The following NISCH variants were observed in gnomAD, a reference collection of about 807,000 sequenced individuals.
NISCH encodes the protein I-1 receptor candidate protein.
In NISCH, 55 loss-of-function variants were observed where a neutral mutation model predicts 138.4. The observed-to-expected ratio is 0.40, with a 90% CI of 0.32 to 0.50. NISCH has a LOEUF of 0.50. NISCH is among the 20% of genes least tolerant of loss of function. The probability of loss-of-function intolerance (pLI) is 0.71; values close to 1 mark genes in which losing one functional copy is unlikely to be tolerated. For synonymous variants in NISCH, 860 were observed against 861.5 expected (o/e 1.00, Z 0.03); for missense variants, 1,643 against 2,005.5 (o/e 0.82, Z 3.45).
chr3:52,457,724 C>G, intron 1 of NISCH, 119 bp from the exon 2 acceptor site: 4 of 822,576 alleles, frequency 4.9e-6, no homozygotes, highest in Non-Finnish European at 8.3e-6. Flanking sequence ...GTCTGAGTTG[C>G]AGAGAGAAAG....
At chr3:52,465,385 C>T (rs1706753319) in intron 3 of NISCH, among the ~76,000 whole-genome samples, 1 of 152,322 alleles carries the variant, frequency 6.6e-6, no homozygotes, top group South Asian at 2.1e-4. Flanking sequence ...CCACCTCGGC[C>T]TCCCAAAGCG....
chr3:52,492,651 G>A lies in NISCH; in HGVS notation c.*169G>A. On this transcript the variant is annotated 3_prime_UTR_variant, in exon 21 of 21. Coordinates refer to ENST00000345716, the MANE Select transcript of NISCH (RefSeq NM_007184.4). ...GTTGTGTTAATTCTTTCTCATGTTG[G>A]GAGTGAGAATGCCGGGCCCCTCAGG... The A allele has an allele frequency of 1.0e-6, 1 of 999,422 alleles. No homozygotes were observed. The highest frequency in any genetic ancestry group is 1.4e-6 in the Non-Finnish European group (1 of 705,690). The allele number at this position is 999,422 out of a possible 1,614,324, so 61.9% of individuals were successfully genotyped here.
In NISCH at chr3:52,491,955, T is replaced by C. The variant is rs764858294; in HGVS notation, c.3988T>C (p.Phe1330Leu). Residue 1330 changes from phenylalanine (F) to leucine (L), a missense_variant, in exon 21 of 21, where the codon TTC (phenylalanine) becomes CTC (leucine). Transcript: ENST00000345716. ...TGAGGAGGAGATTGGGGACCTGACGTTCACTGTGGCCCAAAAGATGGCTGA... is the reference window on the plus strand; with the variant it reads ...TGAGGAGGAGATTGGGGACCTGACGCTCACTGTGGCCCAAAAGATGGCTGA... ...PSEEEIGDLT[F>L]TVAQKMAEPE... 1 of 1,613,594 alleles carries C rather than the reference T, an allele frequency of 6.2e-7. No individual in the cohort carries two copies. Among genetic ancestry groups the C allele is most frequent in the Non-Finnish European group, 8.5e-7 (1 of 1,179,992 alleles).
At chr3:52,461,010 C>T (rs1004743637) in intron 3 of NISCH, among the ~76,000 whole-genome samples, 4 of 152,022 alleles carry the variant, frequency 2.6e-5, no homozygotes, top group Admixed American at 6.6e-5. Context: ...AAGGCCCAGA[C>T]AGGCAGATCA....
rs1707110535 is a variant in NISCH, at chr3:52,476,840, C to T, written c.918+241C>T. On this transcript the variant is annotated intron_variant, in intron 8 of 20. Transcript: ENST00000345716. ...CTTGAGGTCAGGAGTTCGAGACCAGCCTGACCAATGTGGTGAAACCCCATC... is the reference window on the plus strand; with the variant it reads ...CTTGAGGTCAGGAGTTCGAGACCAGTCTGACCAATGTGGTGAAACCCCATC... 2.0e-5 allele frequency among the ~76,000 whole-genome samples: 3 copies of T among 152,048 alleles called. No individual in the cohort carries two copies. In the South Asian group the frequency reaches 6.2e-4, roughly 32 times the overall value.
chr3:52,481,642 CAGTG>C (rs1305549084), intron 13 of NISCH: 3 of 985,656 alleles, frequency 3.0e-6, no homozygotes, highest in Admixed American at 6.1e-5. Flanking sequence ...ATCTGTTGAT[CAGTG>C]AGTGAGTGAG....
At position 52,491,523 on chromosome 3, in the gene NISCH, T is replaced by C. The variant is rs1578316592; in HGVS notation, c.3904+10T>C. 6.2e-7 allele frequency: 1 copy of C among 1,606,644 alleles called. No individual in the cohort carries two copies. Among genetic ancestry groups the C allele is most frequent in the Non-Finnish European group, 8.5e-7 (1 of 1,175,816 alleles). On this transcript the variant is annotated intron_variant, in intron 20 of 20. Coordinates refer to ENST00000345716, the MANE Select transcript of NISCH (RefSeq NM_007184.4). ...GGGAACAAGACCACAGGTACCCCTG[T>C]CTAGCTCAGGCTGCAGACAGGCTGC...
chr3:52,480,240 TCCCAC>T lies in NISCH; in HGVS notation c.1474_1478del (p.Pro492CysfsTer15). ...CCTGCATCAGACCCAGCAGCTCCCC[TCCCAC>T]TGTGGCTCCCGCATCTGCCTCCCTG... On this transcript the variant is annotated frameshift_variant, in exon 13 of 21. Transcript: ENST00000345716. LOFTEE classifies it high-confidence loss of function. 9.3e-6 allele frequency: 15 copies of T among 1,613,874 alleles called. No homozygotes were observed. The highest frequency in any genetic ancestry group is 1.3e-5 in the Non-Finnish European group (15 of 1,179,988).
At chr3:52,479,458 C>G (rs1707203587) in intron 11 of NISCH, among the ~76,000 whole-genome samples, 1 of 152,216 alleles carries the variant, frequency 6.6e-6, no homozygotes. Flanking sequence ...GCCTCCTGTT[C>G]TTGGTGAGGG....
At position 52,487,259 on chromosome 3, in the gene NISCH, C is replaced by T. The variant is rs1459297603; in HGVS notation, c.1767C>T (p.Pro589=). Residue 589 remains proline, a synonymous_variant, in exon 16 of 21, where the codon CCC becomes CCT. Coordinates refer to ENST00000345716, the MANE Select transcript of NISCH (RefSeq NM_007184.4). This position sits in a 1 kb window ranked among gnomAD's most constrained non-coding sequence, Gnocchi z 9.1. ...GGTCTGGCCAGATCATCTTCCTGCC[C>T]TTCACCTGCATTGGCTACACGGCCA... The part of the protein sequence containing the change: ...VPGSGQIIFL[P]FTCIGYTATN... The T allele has an allele frequency of 5.6e-6, 9 of 1,614,072 alleles. No individual in the cohort carries two copies. The highest frequency in any genetic ancestry group is 7.6e-6 in the Non-Finnish European group (9 of 1,180,052).
chr3:52,490,030 A>G, intron 17 of NISCH, 45 bp from the exon 18 acceptor site: 3 of 1,609,750 alleles, frequency 1.9e-6, no homozygotes, highest in Non-Finnish European at 2.5e-6. Flanking sequence ...TGGTATGTGC[A>G]GGTTGCTAGG....
At position 52,490,230 on chromosome 3, in the gene NISCH, G is replaced by T; in HGVS notation, c.3612G>T (p.Gln1204His). 1 of 1,612,208 alleles carries T rather than the reference G, an allele frequency of 6.2e-7. No homozygotes were observed. The highest frequency in any genetic ancestry group is 8.5e-7 in the Non-Finnish European group (1 of 1,179,942). ...GCCGCTACTTCTCAGAGCCACTGCA[G>T]GGTAGGCACAGGGCCTGCTGGGGCT... Reference protein sequence around the residue: ...GLRRYFSEPLQDFWHQKNTDY... With the variant: ...GLRRYFSEPLHDFWHQKNTDY... The change falls in exon 18 of 21, where the codon CAG (glutamine) becomes CAT (histidine). Residue 1204 changes from glutamine to histidine, a missense_variant and splice_region_variant. Coordinates refer to ENST00000345716, the MANE Select transcript of NISCH (RefSeq NM_007184.4).
intron 19 of NISCH, 142 bp from the exon 20 acceptor site, chr3:52,491,210 G>T: frequency 7.6e-7 from 1 of 1,309,858 alleles, no homozygotes; most frequent in Admixed American, 3.0e-5. Flanking sequence ...CTCCTCCCGG[G>T]CCCCATGATT....
At chr3:52,491,216 T>G in intron 19 of NISCH, 136 bp from the exon 20 acceptor site, 61 of 1,357,656 alleles carry the variant, frequency 4.5e-5, no homozygotes, top group Non-Finnish European at 5.3e-5. Flanking sequence ...CCGGGCCCCA[T>G]GATTCTTTCC....
rs374753219 is a variant in NISCH, at chr3:52,479,949, T to G, written c.1416+87T>G. 63 of 1,156,212 alleles carry G rather than the reference T, an allele frequency of 5.4e-5. No individual in the cohort carries two copies. The African/African-American group carries it at 9.3e-4, about 17-fold the overall frequency. 71.6% of individuals were successfully genotyped at this position (1,156,212 alleles called of 1,614,324 possible). A position where few individuals can be genotyped will look rare whatever the true frequency, so the allele number is the denominator to read the frequency against. ...TGGGGGGCTTGGGCCATGGGACTGC[T>G]CAGGGCTGCCGAGTCCCAGCTGCGC... On this transcript the variant is annotated intron_variant, in intron 12 of 20. Transcript: ENST00000345716.
chr3:52,472,116 C>A, intron 5 of NISCH, 139 bp downstream of exon 5: 1 of 1,071,430 alleles, frequency 9.3e-7, no homozygotes, highest in Non-Finnish European at 1.3e-6. Flanking sequence ...ATTCTTGGCA[C>A]TATGCTTCTG....
chr3:52,478,732 C>T (rs1197567320), intron 11 of NISCH, 155 bp downstream of exon 11: 2 of 665,240 alleles, frequency 3.0e-6, no homozygotes, highest in African/African-American at 1.8e-5. Flanking sequence ...GGGAAGTCCA[C>T]TATCTCCCCA....
chr3:52,460,083 A>G (rs527511181), intron 3 of NISCH, among the ~76,000 whole-genome samples: 1 of 144,224 alleles, frequency 6.9e-6, no homozygotes, highest in Non-Finnish European at 1.5e-5. Flanking sequence ...TGGGAGGCTG[A>G]GGCAGGAGAA....
chr3:52,488,728 C>T (rs1241599964), intron 16 of NISCH, 123 bp downstream of exon 16: 1 of 810,602 alleles, frequency 1.2e-6, no homozygotes, highest in Non-Finnish European at 1.9e-6. Flanking sequence ...CCCCCCCTGC[C>T]CCTCGCCCCC....
Sources: gnomAD v4.1 joint callset for allele counts (sites outside exome capture counted in the v4.1 genomes callset) on GRCh38, gnomAD v4.1.1 for gene constraint, Gnocchi (gnomAD v3.1) non-coding constraint, MANE v1.5 for transcripts, NCBI Gene and HGNC (gene_info 2026-07-23, HGNC 2026-07-21) for gene names.